Variants in TRAF3 observed in about 807,000 individuals in gnomAD.
TRAF3 encodes TNF receptor-associated factor 3.
In TRAF3, 13 loss-of-function variants were observed where a neutral mutation model predicts 62.3. That is an observed-to-expected ratio of 0.21 (90% CI 0.14 to 0.33). The LOEUF is 0.33. TRAF3 is among the 10% of genes least tolerant of loss of function. The pLI is 1.00. For missense variants in TRAF3, 440 were observed against 741.8 expected, an observed-to-expected ratio of 0.59 and a Z score of 4.73; for synonymous variants, 269 against 283.4, an observed-to-expected ratio of 0.95 and a Z score of 0.51.
chr14:102,862,401 CAAAAAAAA>C (rs34141177), intron 2 of TRAF3, among the ~76,000 whole-genome samples: 4 of 107,916 alleles, frequency 3.7e-5, no homozygotes, highest in East Asian at 5.0e-4. Context: ...ATCCCTTCTC[CAAAAAAAA>C]AAAAAAAAAA....
intron 1 of TRAF3, among the ~76,000 whole-genome samples, chr14:102,812,810 TCA>T (rs1341617688): frequency 1.5e-4 from 23 of 149,642 alleles, no homozygotes; most frequent in African/African-American, 4.3e-4. Flanking sequence ...TCCCAGCTAC[TCA>T]GGAGGCTGAG....
chr14:102,868,060 C>T (rs1263798515), intron 2 of TRAF3, among the ~76,000 whole-genome samples: 1 of 152,210 alleles, frequency 6.6e-6, no homozygotes, highest in African/African-American at 2.4e-5. Flanking sequence ...CGCCCGCCCA[C>T]CCAGCAACTA....
rs542850538 is a variant in TRAF3, at chr14:102,824,427, T to A, written c.-156-5907T>A. On this transcript the variant is annotated intron_variant, in intron 1 of 11. Transcript: ENST00000392745. Reference sequence around the variant, plus strand: ...AATTTTGTGTGTATTTTATATTATTTTTCTTCTCTCTGCTTCCTCTTGGGG... The same window carrying A: ...AATTTTGTGTGTATTTTATATTATTATTCTTCTCTCTGCTTCCTCTTGGGG... 1.8e-3 allele frequency among the ~76,000 whole-genome samples: 281 copies of A among 152,376 alleles called. 2 individuals are homozygous for A. Among genetic ancestry groups the A allele is most frequent in the African/African-American group, 6.2e-3 (259 of 41,590 alleles).
At chr14:102,782,560 T>C (rs1897311817) in intron 1 of TRAF3, among the ~76,000 whole-genome samples, 1 of 152,176 alleles carries the variant, frequency 6.6e-6, no homozygotes, top group African/African-American at 2.4e-5. Context: ...AAAAAGTCCT[T>C]TCCCCAACCT....
intron 2 of TRAF3, among the ~76,000 whole-genome samples, chr14:102,862,467 C>G (rs963021770): frequency 6.6e-6 from 1 of 151,214 alleles, no homozygotes; most frequent in Non-Finnish European, 1.5e-5. Flanking sequence ...AATTTGTCAC[C>G]TTTCGGCCTC....
intron 7 of TRAF3, among the ~76,000 whole-genome samples, chr14:102,886,941 C>A (rs1444078189): frequency 6.6e-6 from 1 of 152,072 alleles, no homozygotes; most frequent in Admixed American, 6.6e-5. Context: ...AACTTAGAGA[C>A]ACTTCAGAAC....
chr14:102,891,669 C>T (rs1304656005), intron 9 of TRAF3, among the ~76,000 whole-genome samples: 1 of 151,686 alleles, frequency 6.6e-6, no homozygotes, highest in Admixed American at 6.6e-5. Context: ...AGCATCCATC[C>T]AGCACAGAGA....
chr14:102,908,060 A>G lies in TRAF3; in HGVS notation c.*2276A>G, dbSNP rs1595420369. On this transcript the variant is annotated 3_prime_UTR_variant, in exon 12 of 12. Transcript: ENST00000392745. ...CTGCAACTTCCCCTTCACAAAATGT[A>G]TAATATTAGATGAAGGATATGCAAC... The G allele has an allele frequency of 6.6e-6, 1 of 152,270 alleles. No homozygotes were observed. Among genetic ancestry groups the G allele is most frequent in the Non-Finnish European group, 1.5e-5 (1 of 68,052 alleles). The allele number at this position is 152,270 out of a possible 1,614,324, so 9.4% of individuals were successfully genotyped here.
intron 1 of TRAF3, among the ~76,000 whole-genome samples, chr14:102,800,827 C>T (rs867992695): frequency 1.3e-5 from 2 of 151,694 alleles, no homozygotes; most frequent in African/African-American, 2.4e-5. Context: ...TCTCAAGTAG[C>T]GAGGACTACA....
At chr14:102,868,448 G>T (rs796875111) in intron 2 of TRAF3, among the ~76,000 whole-genome samples, 1 of 152,142 alleles carries the variant, frequency 6.6e-6, no homozygotes, top group African/African-American at 2.4e-5. Context: ...TGTTGACAGT[G>T]GGGGAGTGGT....
intron 1 of TRAF3, among the ~76,000 whole-genome samples, chr14:102,820,845 G>GCTGGT (rs1292203470): frequency 6.6e-6 from 1 of 150,916 alleles, no homozygotes; most frequent in East Asian, 1.9e-4. Context: ...TGTTGACTAG[G>GCTGGT]CTGGTCTTGA....
At chr14:102,837,931 A>G (rs1312263890) in intron 2 of TRAF3, among the ~76,000 whole-genome samples, 2 of 152,220 alleles carry the variant, frequency 1.3e-5, no homozygotes, top group African/African-American at 2.4e-5. Context: ...GGAGCATTGA[A>G]TGATCTTTCT....
intron 1 of TRAF3, among the ~76,000 whole-genome samples, chr14:102,819,186 C>T (rs1209934393): frequency 6.6e-6 from 1 of 152,146 alleles, no homozygotes; most frequent in African/African-American, 2.4e-5. Flanking sequence ...ATTCCTAGAG[C>T]GGTGTGTCCC....
intron 1 of TRAF3, among the ~76,000 whole-genome samples, chr14:102,812,447 C>T (rs963609708): frequency 9.9e-5 from 15 of 152,232 alleles, no homozygotes; most frequent in African/African-American, 2.2e-4. Context: ...AATAGTGCTA[C>T]GGTAAATATG....
At chr14:102,783,650 G>T (rs1264947047) in intron 1 of TRAF3, among the ~76,000 whole-genome samples, 1 of 152,032 alleles carries the variant, frequency 6.6e-6, no homozygotes, top group Non-Finnish European at 1.5e-5. Flanking sequence ...AACTTACTTC[G>T]TTCCCTAAAT....
intron 1 of TRAF3, among the ~76,000 whole-genome samples, chr14:102,818,833 A>G (rs1366043663): frequency 1.3e-5 from 2 of 152,128 alleles, no homozygotes; most frequent in Admixed American, 6.5e-5. Flanking sequence ...TTTTCATCAC[A>G]AGAAAAGGAA....
chr14:102,828,237 C>A (rs193158944), intron 1 of TRAF3, among the ~76,000 whole-genome samples: 2 of 152,312 alleles, frequency 1.3e-5, no homozygotes, highest in South Asian at 2.1e-4. Context: ...CTCTCTCCAG[C>A]GCTTTTGCTT....
At chr14:102,894,943 C>T (rs1392792563) in intron 9 of TRAF3, 1 of 344,642 alleles carries the variant, frequency 2.9e-6, no homozygotes, top group Non-Finnish European at 5.8e-6. Flanking sequence ...CTCAAGTGGT[C>T]CGTCTGCCTC....
intron 3 of TRAF3, among the ~76,000 whole-genome samples, chr14:102,871,692 G>C (rs1222952200): frequency 2.0e-5 from 3 of 152,244 alleles, no homozygotes; most frequent in African/African-American, 2.4e-5. Context: ...GAACTAAACT[G>C]TTCTACTTGG....
Sources: allele counts gnomAD v4.1 joint callset (sites outside exome capture counted in the v4.1 genomes callset), GRCh38; gene constraint gnomAD v4.1.1; transcripts MANE v1.5; gene names NCBI Gene and HGNC (gene_info 2026-07-23, HGNC 2026-07-21).